The following GRB10 variants were observed in gnomAD, a reference collection of about 807,000 sequenced individuals.
The protein encoded by GRB10 is growth factor receptor-bound protein 10.
A neutral mutation model predicts 80.9 loss-of-function variants in GRB10; 20 were observed. That is an observed-to-expected ratio of 0.25 (90% CI 0.17 to 0.36). The LOEUF (loss-of-function observed/expected upper bound fraction) is 0.36. GRB10 is among the 10% of genes least tolerant of loss of function. GRB10 has a pLI of 1.00. For missense variants in GRB10, 548 were observed against 747.7 expected (o/e 0.73, Z 3.12); for synonymous variants, 291 against 291.5 (o/e 1.00, Z 0.02).
intron 4 of GRB10, among the ~76,000 whole-genome samples, chr7:50,704,123 A>G (rs1182830115): frequency 2.0e-5 from 3 of 152,258 alleles, no homozygotes; most frequent in African/African-American, 7.2e-5. Context: ...AAAGGAGTTA[A>G]AAGTTACTCC....
At chr7:50,724,555 T>C (rs1340641752) in intron 4 of GRB10, among the ~76,000 whole-genome samples, 7 of 152,076 alleles carry the variant, frequency 4.6e-5, no homozygotes. Context: ...GGAGGATGGG[T>C]CCTGAAGGGA....
chr7:50,751,879 T>A (rs1021348823), intron 3 of GRB10, among the ~76,000 whole-genome samples: 11 of 152,226 alleles, frequency 7.2e-5, no homozygotes, highest in Non-Finnish European at 1.5e-4. Context: ...GGTGAGTCTT[T>A]GGCCCTAGGG....
At chr7:50,674,354 A>C in intron 6 of GRB10, 82 bp downstream of exon 6, 6 of 1,346,220 alleles carry the variant, frequency 4.5e-6, no homozygotes, top group Non-Finnish European at 6.3e-6. Context: ...TCCCCCCAAC[A>C]CCATTTAACT....
intron 13 of GRB10, among the ~76,000 whole-genome samples, chr7:50,611,740 C>A (rs1455028856): frequency 5.3e-5 from 8 of 152,174 alleles, no homozygotes; most frequent in African/African-American, 1.9e-4. Flanking sequence ...TCCTTCAGTT[C>A]CTCCATCTCC....
intron 3 of GRB10, among the ~76,000 whole-genome samples, chr7:50,733,184 G>C (rs561642145): frequency 2.6e-4 from 40 of 152,190 alleles, no homozygotes; most frequent in Admixed American, 5.9e-4. Context: ...GACTTGTACA[G>C]AGAGAAGACC....
intron 5 of GRB10, among the ~76,000 whole-genome samples, chr7:50,676,758 A>G (rs1017555296): frequency 6.6e-6 from 1 of 152,044 alleles, no homozygotes; most frequent in African/African-American, 2.4e-5. Flanking sequence ...ACGGTAGTGC[A>G]GAGGGGGTAT....
At chr7:50,725,787 G>A (rs1369211545) in intron 4 of GRB10, among the ~76,000 whole-genome samples, 1 of 152,208 alleles carries the variant, frequency 6.6e-6, no homozygotes, top group Non-Finnish European at 1.5e-5. Context: ...GCAGTGCAAA[G>A]TCATAGACCA....
rs1462264453 is a variant in GRB10 at position 50,616,282 on chromosome 7, C to A, written c.912G>T (p.Lys304Asn). The change falls in exon 11 of 19, where the codon AAG (lysine) becomes AAT (asparagine). Residue 304 changes from lysine to asparagine, a missense_variant. Lys to Asn is a moderately conservative substitution (Grantham distance 94). Transcript: ENST00000401949. ...QGFLHVKELGKKSWKKLYVCL... is the reference protein window; with the variant it reads ...QGFLHVKELGNKSWKKLYVCL... ...ACACATACAGCTTTTTCCATGATTT[C>A]TTTCCCAGCTCTTTCACATGCAAAA... 1 of 1,614,224 alleles carries A rather than the reference C, an allele frequency of 6.2e-7. No homozygotes were observed.
intron 7 of GRB10, among the ~76,000 whole-genome samples, chr7:50,649,450 T>C (rs2057705614): frequency 2.6e-5 from 4 of 152,116 alleles, no homozygotes; most frequent in Admixed American, 2.6e-4. Flanking sequence ...GGACCTGAGC[T>C]GGCAAATGTG....
chr7:50,667,518 C>T (rs1275541945), intron 7 of GRB10, among the ~76,000 whole-genome samples: 23 of 152,122 alleles, frequency 1.5e-4, no homozygotes, highest in Admixed American at 1.5e-3. Flanking sequence ...CACCATCCCC[C>T]ACCGTGATCC....
intron 3 of GRB10, among the ~76,000 whole-genome samples, chr7:50,733,968 G>C (rs946480400): frequency 2.6e-5 from 4 of 152,132 alleles, no homozygotes; most frequent in African/African-American, 9.7e-5. Context: ...ACTCCTGCTT[G>C]AGTTTCCAGC....
At chr7:50,679,938 G>C (rs181539276) in intron 5 of GRB10, among the ~76,000 whole-genome samples, 1 of 152,304 alleles carries the variant, frequency 6.6e-6, no homozygotes, top group East Asian at 1.9e-4. Context: ...TACTGAAACA[G>C]CTTTCTGAAC....
intron 7 of GRB10, among the ~76,000 whole-genome samples, chr7:50,666,503 T>A (rs1236010697): frequency 6.6e-6 from 1 of 152,134 alleles, no homozygotes; most frequent in Non-Finnish European, 1.5e-5. Flanking sequence ...GTATCTTACA[T>A]GTCTAGAAAG....
intron 2 of GRB10, among the ~76,000 whole-genome samples, chr7:50,762,816 CAA>C (rs2075904593): frequency 6.6e-6 from 1 of 152,162 alleles, no homozygotes; most frequent in Non-Finnish European, 1.5e-5. Context: ...ATAGACAAAT[CAA>C]AAGACAGGCA....
intron 13 of GRB10, among the ~76,000 whole-genome samples, chr7:50,611,639 G>C (rs2049553905): frequency 6.6e-6 from 1 of 152,160 alleles, no homozygotes; most frequent in African/African-American, 2.4e-5. Flanking sequence ...GGATTACTGG[G>C]TGCAAAATGC....
At chr7:50,602,764 G>A (rs753962909) in intron 17 of GRB10, among the ~76,000 whole-genome samples, 1 of 152,152 alleles carries the variant, frequency 6.6e-6, no homozygotes, top group Non-Finnish European at 1.5e-5. Flanking sequence ...ATGATAGTAA[G>A]AAATTCTTAT....
chr7:50,617,803 C>T, intron 10 of GRB10: 1 of 538,270 alleles, frequency 1.9e-6, no homozygotes, highest in South Asian at 2.1e-5. Flanking sequence ...GCAGTGGCAT[C>T]ACTGGACTCT....
intron 3 of GRB10, among the ~76,000 whole-genome samples, chr7:50,746,135 T>C (rs1034688478): frequency 3.3e-5 from 5 of 152,222 alleles, no homozygotes; most frequent in African/African-American, 1.2e-4. Flanking sequence ...GGTTCCCAAC[T>C]TGACAATGGT....
At chr7:50,755,758 G>A (rs113069849) in intron 3 of GRB10, 129 bp downstream of exon 3, 4,370 of 397,354 alleles carry the variant, frequency 0.011, 39 homozygotes, top group Middle Eastern at 0.025. Context: ...GGGAACCTTG[G>A]AATAAAGGTT....
Sources: allele counts gnomAD v4.1 joint callset (sites outside exome capture counted in the v4.1 genomes callset), GRCh38; gene constraint gnomAD v4.1.1; transcripts MANE v1.5; gene names NCBI Gene and HGNC (gene_info 2026-07-23, HGNC 2026-07-21).